Variants in ARMC1 observed in about 807,000 individuals in gnomAD.
ARMC1 encodes the protein armadillo repeat containing 1, also known as armadillo repeat-containing protein 1.
ARMC1 carries 16 observed loss-of-function variants against 31.4 expected under a neutral mutation model. The observed-to-expected ratio is 0.51, with a 90% confidence interval of 0.34 to 0.77. The LOEUF (loss-of-function observed/expected upper bound fraction) is 0.77. Among genes scored for constraint, ARMC1 ranks in the 30% least tolerant of loss-of-function variants. The pLI, the probability that ARMC1 is intolerant of heterozygous loss-of-function variation, is 0.01. For synonymous variants in ARMC1, 114 were observed against 118.9 expected, an observed-to-expected ratio of 0.96 and a Z score of 0.27; for missense variants, 259 against 347.5, an observed-to-expected ratio of 0.75 and a Z score of 2.02.
chr8:65,620,210 T>C (rs1044089092), intron 3 of ARMC1, among the ~76,000 whole-genome samples: 6 of 151,270 alleles, frequency 4.0e-5, no homozygotes, highest in African/African-American at 1.5e-4. Context: ...ATAGTGTCAC[T>C]AGCCACATGA....
At chr8:65,618,222 C>T (rs1808316997) in intron 3 of ARMC1, among the ~76,000 whole-genome samples, 1 of 151,752 alleles carries the variant, frequency 6.6e-6, no homozygotes, top group Non-Finnish European at 1.5e-5. Context: ...CCATTAATCC[C>T]TTTAAGAACC....
intron 3 of ARMC1, among the ~76,000 whole-genome samples, chr8:65,616,974 C>T (rs1463790990): frequency 4.7e-5 from 7 of 148,792 alleles, no homozygotes; most frequent in South Asian, 2.1e-4. Flanking sequence ...CGTCTCCGCC[C>T]GGCAGCCGCC....
chr8:65,616,971 G>A (rs368974521), intron 3 of ARMC1, among the ~76,000 whole-genome samples: 36 of 150,134 alleles, frequency 2.4e-4, no homozygotes, highest in Middle Eastern at 3.5e-3. Context: ...GAGCGTCTCC[G>A]CCCGGCAGCC....
chr8:65,611,883 C>T (rs958264721), intron 4 of ARMC1, among the ~76,000 whole-genome samples: 2 of 151,808 alleles, frequency 1.3e-5, no homozygotes, highest in Non-Finnish European at 2.9e-5. Context: ...AAGCGATTCT[C>T]CTGCCTCAGC....
intron 3 of ARMC1, among the ~76,000 whole-genome samples, chr8:65,616,309 T>A (rs1414431196): frequency 1.3e-5 from 2 of 152,130 alleles, no homozygotes; most frequent in African/African-American, 4.8e-5. Flanking sequence ...GTTTTCGTAT[T>A]TTTTTGGTGG....
At chr8:65,627,101 C>T in intron 2 of ARMC1, 115 bp downstream of exon 2, 1 of 946,794 alleles carries the variant, frequency 1.1e-6, no homozygotes, top group Middle Eastern at 2.3e-4. Context: ...TACATAAATA[C>T]AAACAACTAA....
At chr8:65,618,521 C>CAAAA (rs34079304) in intron 3 of ARMC1, among the ~76,000 whole-genome samples, 11 of 98,620 alleles carry the variant, frequency 1.1e-4, no homozygotes, top group Non-Finnish European at 1.4e-4. Context: ...GACTCAGTCT[C>CAAAA]AAAAAAAAAA....
chr8:65,605,228 A>T, intron 6 of ARMC1, 35 bp downstream of exon 6: 2 of 1,549,428 alleles, frequency 1.3e-6, no homozygotes, highest in Non-Finnish European at 1.8e-6. Flanking sequence ...ATTGAGAGTG[A>T]GTTGGATATA....
At chr8:65,629,094 G>T (rs1354709764) in intron 1 of ARMC1, among the ~76,000 whole-genome samples, 1 of 151,410 alleles carries the variant, frequency 6.6e-6, no homozygotes, top group African/African-American at 2.4e-5. Flanking sequence ...AGCGGAGGTT[G>T]CAGTGAGCCG....
chr8:65,623,786 C>CTTTTTTTT lies in ARMC1; in HGVS notation c.184-1440_184-1433dup, dbSNP rs201008780. ...ATGCCAGAAGACAACAAAGTAAAAT[C>CTTTTTTTT]TTTTTTTTTTTTTTTTTTTTTTTTT... On this transcript the variant is annotated intron_variant, in intron 2 of 6. Transcript: ENST00000276569. Among the ~76,000 whole-genome samples, 223 of 26,056 alleles carry CTTTTTTTT rather than the reference C, an allele frequency of 8.6e-3. 36 individuals carry two copies. The highest frequency in any genetic ancestry group is 0.045 in the Middle Eastern group (1 of 22). 17.1% of individuals were successfully genotyped at this position (26,056 alleles called of 152,430 possible). A position where few individuals can be genotyped will look rare whatever the true frequency, so the allele number is the denominator to read the frequency against.
chr8:65,623,225 T>C (rs1808432155), intron 2 of ARMC1, among the ~76,000 whole-genome samples: 1 of 139,652 alleles, frequency 7.2e-6, no homozygotes, highest in Admixed American at 7.8e-5. Flanking sequence ...GGAGAATTGC[T>C]TGAACCGGGG....
chr8:65,610,263 T>A (rs35038843), intron 4 of ARMC1, among the ~76,000 whole-genome samples: 55,108 of 151,510 alleles, frequency 0.36, 10,229 homozygotes, highest in East Asian at 0.47. Context: ...ACACCCTGCT[T>A]ATTTTTTGTA....
chr8:65,608,940 C>T (rs1808062736), intron 4 of ARMC1, among the ~76,000 whole-genome samples: 1 of 152,040 alleles, frequency 6.6e-6, no homozygotes. Flanking sequence ...AGAAGATATA[C>T]ATCTCTCTGT....
intron 3 of ARMC1, among the ~76,000 whole-genome samples, chr8:65,616,047 T>C (rs912619839): frequency 2.0e-5 from 3 of 152,282 alleles, no homozygotes; most frequent in African/African-American, 7.2e-5. Context: ...CAAAACTGTT[T>C]AATATGCTTA....
intron 4 of ARMC1, 105 bp from the exon 5 acceptor site, chr8:65,605,643 T>C: frequency 1.3e-6 from 1 of 799,872 alleles, no homozygotes; most frequent in Non-Finnish European, 2.1e-6. Flanking sequence ...AAATGACCTA[T>C]TTCAGTTTTA....
chr8:65,614,965 A>C (rs981035426), intron 3 of ARMC1, among the ~76,000 whole-genome samples: 2 of 152,226 alleles, frequency 1.3e-5, no homozygotes, highest in African/African-American at 2.4e-5. Context: ...TTATAAGTAT[A>C]TGAACTCTTT....
chr8:65,618,521 C>CAAAAA (rs34079304), intron 3 of ARMC1, among the ~76,000 whole-genome samples: 1 of 98,678 alleles, frequency 1.0e-5, no homozygotes, highest in Non-Finnish European at 2.0e-5. Flanking sequence ...GACTCAGTCT[C>CAAAAA]AAAAAAAAAA....
chr8:65,633,299 T>C (rs1230205800), intron 1 of ARMC1, among the ~76,000 whole-genome samples: 1 of 152,264 alleles, frequency 6.6e-6, no homozygotes, highest in Non-Finnish European at 1.5e-5. Flanking sequence ...AGCATTGATA[T>C]TAAATCTGAC....
intron 4 of ARMC1, among the ~76,000 whole-genome samples, chr8:65,612,185 G>A (rs1308777588): frequency 6.6e-6 from 1 of 152,084 alleles, no homozygotes; most frequent in Non-Finnish European, 1.5e-5. Context: ...TATTTAGCTA[G>A]GTGCAGTGGT....
Sources: allele counts gnomAD v4.1 joint callset (sites outside exome capture counted in the v4.1 genomes callset), GRCh38; gene constraint gnomAD v4.1.1; transcripts MANE v1.5; gene names NCBI Gene and HGNC (gene_info 2026-07-23, HGNC 2026-07-21).